Variants in FAM13A observed in about 807,000 individuals in gnomAD.
The protein encoded by FAM13A is protein FAM13A.
FAM13A carries 76 observed loss-of-function variants against 129.6 expected under a neutral mutation model. The observed-to-expected ratio is 0.59, with a 90% CI of 0.49 to 0.71. The LOEUF (loss-of-function observed/expected upper bound fraction) is 0.71, where lower values mean the gene tolerates loss of function less well. Among genes scored for constraint, FAM13A ranks in the 30% least tolerant of loss-of-function variants. The pLI is 0.00. For synonymous variants in FAM13A, 443 were observed against 449.9 expected, an observed-to-expected ratio of 0.98 and a Z score of 0.20; for missense variants, 1,108 against 1,249.3, an observed-to-expected ratio of 0.89 and a Z score of 1.70.
At chr4:88,860,365 A>G (rs567167534) in intron 6 of FAM13A, among the ~76,000 whole-genome samples, 1 of 152,338 alleles carries the variant, frequency 6.6e-6, no homozygotes, top group South Asian at 2.1e-4. Flanking sequence ...TAAGACTTAC[A>G]CTGTTCAGCA....
intron 3 of FAM13A, among the ~76,000 whole-genome samples, chr4:89,003,358 C>T (rs1764543051): frequency 6.6e-6 from 1 of 151,652 alleles, no homozygotes; most frequent in Non-Finnish European, 1.5e-5. Flanking sequence ...CACCTGTAAT[C>T]CCAGCACTTT....
chr4:88,958,995 C>T (rs1210498254), intron 4 of FAM13A, among the ~76,000 whole-genome samples: 1 of 152,192 alleles, frequency 6.6e-6, no homozygotes, highest in Non-Finnish European at 1.5e-5. Flanking sequence ...TTAATGACTG[C>T]CCTGCTGCAT....
intron 17 of FAM13A, among the ~76,000 whole-genome samples, chr4:88,748,241 A>G (rs1325679641): frequency 1.3e-5 from 2 of 152,196 alleles, no homozygotes; most frequent in Non-Finnish European, 2.9e-5. Context: ...TTTCTGTAGT[A>G]TCAATAACTT....
intron 8 of FAM13A, among the ~76,000 whole-genome samples, chr4:88,803,395 A>G (rs1414427444): frequency 6.6e-6 from 1 of 152,164 alleles, no homozygotes; most frequent in East Asian, 1.9e-4. Flanking sequence ...GAGTTCAGTA[A>G]ATATATTATT....
intron 7 of FAM13A, 97 bp downstream of exon 7, chr4:88,850,923 C>T (rs1737453595): frequency 1.9e-6 from 2 of 1,080,746 alleles, no homozygotes; most frequent in Admixed American, 3.8e-5. Context: ...CTGTAAACTC[C>T]AGTGGCAGAT....
chr4:88,810,565 A>G (rs1729478862), intron 7 of FAM13A, among the ~76,000 whole-genome samples: 1 of 152,154 alleles, frequency 6.6e-6, no homozygotes, highest in African/African-American at 2.4e-5. Flanking sequence ...GGCCTGGAAC[A>G]TATCAAATTC....
intron 3 of FAM13A, among the ~76,000 whole-genome samples, chr4:89,012,733 A>G (rs1765901759): frequency 6.6e-6 from 1 of 152,182 alleles, no homozygotes; most frequent in Non-Finnish European, 1.5e-5. Flanking sequence ...ATGTCTGAAA[A>G]AATACTTAGG....
chr4:88,874,641 A>C (rs954649359), intron 6 of FAM13A, among the ~76,000 whole-genome samples: 2 of 152,156 alleles, frequency 1.3e-5, no homozygotes, highest in Non-Finnish European at 2.9e-5. Context: ...AAATAAAAGA[A>C]GACACAAACA....
chr4:89,040,911 G>C (rs1770029794), intron 1 of FAM13A, among the ~76,000 whole-genome samples: 1 of 152,176 alleles, frequency 6.6e-6, no homozygotes, highest in African/African-American at 2.4e-5. Flanking sequence ...GGAAGGACTA[G>C]ACTGGCTGAG....
At chr4:88,757,080 T>A (rs1214188893) in intron 14 of FAM13A, among the ~76,000 whole-genome samples, 1 of 138,792 alleles carries the variant, frequency 7.2e-6, no homozygotes, top group Non-Finnish European at 1.6e-5. Context: ...ATTTCTAAAA[T>A]GAAATGCTGG....
At chr4:89,025,245 GTTTTTTTTTTTTTTT>G (rs56710705) in intron 2 of FAM13A, among the ~76,000 whole-genome samples, 3 of 61,362 alleles carry the variant, frequency 4.9e-5, no homozygotes, top group Non-Finnish European at 9.7e-5. Flanking sequence ...TGGAATCATT[GTTTTTTTTTTTTTTT>G]TTTTTTTTTT....
intron 19 of FAM13A, among the ~76,000 whole-genome samples, chr4:88,741,191 T>C (rs1370009326): frequency 2.0e-5 from 3 of 152,182 alleles, no homozygotes; most frequent in Non-Finnish European, 1.5e-5. Context: ...AAAAGACATA[T>C]GTAAGAATGC....
At chr4:88,929,581 T>C (rs1019090902) in intron 5 of FAM13A, among the ~76,000 whole-genome samples, 1 of 152,120 alleles carries the variant, frequency 6.6e-6, no homozygotes, top group Non-Finnish European at 1.5e-5. Flanking sequence ...TTGTTCATCT[T>C]TTTTTCCTTT....
chr4:88,747,235 C>A (rs111903413), intron 18 of FAM13A, among the ~76,000 whole-genome samples: 6 of 152,096 alleles, frequency 3.9e-5, no homozygotes, highest in Admixed American at 6.5e-5. Flanking sequence ...ATCTCCCTCA[C>A]GGCAGCAAAG....
At chr4:89,011,191 T>C (rs1765685059) in intron 3 of FAM13A, among the ~76,000 whole-genome samples, 1 of 151,534 alleles carries the variant, frequency 6.6e-6, no homozygotes, top group Admixed American at 6.6e-5. Flanking sequence ...GTTCTCTTCA[T>C]GTTTTCTGTC....
chr4:88,960,973 G>A (rs1409118255), intron 4 of FAM13A, among the ~76,000 whole-genome samples: 4 of 152,194 alleles, frequency 2.6e-5, no homozygotes, highest in Non-Finnish European at 5.9e-5. Flanking sequence ...CACAGAAAGT[G>A]CATTTGTATT....
At chr4:89,001,895 G>T (rs570567998) in intron 3 of FAM13A, among the ~76,000 whole-genome samples, 32 of 151,938 alleles carry the variant, frequency 2.1e-4, no homozygotes, top group African/African-American at 7.7e-4. Context: ...CTATTATTAC[G>T]GTGGTTTTCT....
intron 1 of FAM13A, among the ~76,000 whole-genome samples, chr4:89,039,571 A>G (rs1203261712): frequency 1.3e-5 from 2 of 152,210 alleles, no homozygotes; most frequent in Non-Finnish European, 2.9e-5. Flanking sequence ...TGTAAATGTA[A>G]AACTGCTCAA....
intron 4 of FAM13A, among the ~76,000 whole-genome samples, chr4:88,981,809 T>C (rs1254445695): frequency 1.3e-5 from 2 of 151,960 alleles, no homozygotes; most frequent in African/African-American, 2.4e-5. Context: ...GGAGAAGCCA[T>C]GGGATGAAGA....
Sources: gnomAD v4.1 joint callset for allele counts (sites outside exome capture counted in the v4.1 genomes callset) on GRCh38, gnomAD v4.1.1 for gene constraint, MANE v1.5 for transcripts, NCBI Gene and HGNC (gene_info 2026-07-23, HGNC 2026-07-21) for gene names.